The following CDH13 variants were observed in gnomAD, a reference collection of about 807,000 sequenced individuals.
The protein encoded by CDH13 is cadherin 13.
A neutral mutation model predicts 63.8 loss-of-function variants in CDH13; 24 were observed. That is an observed-to-expected ratio of 0.38 (90% CI 0.27 to 0.53). CDH13 has a LOEUF of 0.53. Among genes scored for constraint, CDH13 ranks in the 20% least tolerant of loss-of-function variants. CDH13 has a pLI of 0.85. For missense variants in CDH13, 1,049 were observed against 903.1 expected (o/e 1.16, Z -2.07); for synonymous variants, 503 against 355.3 (o/e 1.42, Z -4.67).
chr16:83,530,111 T>C (rs1276250516), intron 7 of CDH13, among the ~76,000 whole-genome samples: 1 of 152,228 alleles, frequency 6.6e-6, no homozygotes, highest in Non-Finnish European at 1.5e-5. Flanking sequence ...TGCGTACCTG[T>C]TCCTGCTGGC....
chr16:82,789,250 G>C (rs2036170828), intron 1 of CDH13, among the ~76,000 whole-genome samples: 1 of 152,140 alleles, frequency 6.6e-6, no homozygotes, highest in South Asian at 2.1e-4. Flanking sequence ...ACGAAGAGTA[G>C]GTGTTCCTCA....
intron 7 of CDH13, among the ~76,000 whole-genome samples, chr16:83,494,776 CA>C (rs1293051700): frequency 2.6e-5 from 4 of 152,170 alleles, no homozygotes; most frequent in Non-Finnish European, 5.9e-5. Flanking sequence ...GCCTGGGATC[CA>C]CATTTCTTTC....
In CDH13 at chr16:83,033,883, G is replaced by A. The variant is rs146819037; in HGVS notation, c.366+1665G>A. Among the ~76,000 whole-genome samples, 1,133 of 152,180 alleles carry A rather than the reference G, an allele frequency of 7.4e-3. 9 individuals carry two copies. Among genetic ancestry groups the A allele is most frequent in the African/African-American group, 0.026 (1,074 of 41,548 alleles). ...ATGCCTAGCCTTCTCTCCTACCTGC[G>A]AGCTTGGTCTTCCTCGATTTTTCAC... On this transcript the variant is annotated intron_variant, in intron 3 of 13. Coordinates refer to ENST00000567109, the MANE Select transcript of CDH13 (RefSeq NM_001257.5).
intron 2 of CDH13, among the ~76,000 whole-genome samples, chr16:82,996,921 A>G (rs1240870552): frequency 2.0e-5 from 3 of 151,474 alleles, no homozygotes; most frequent in African/African-American, 7.3e-5. Flanking sequence ...GTTGATTATT[A>G]TGGTAATGAT....
rs562942948 is a variant in CDH13, at chr16:82,672,999, C to CTTTTTTTTTTTTTTTTTTTTTT, written c.45+45882_45+45883insTTTTTTTTTTTTTTTTTTTTTT. ...GTATGGCTAATTTTTATAAAGTTTT[C>CTTTTTTTTTTTTTTTTTTTTTT]TTTTTTTTTTTTTTTTTTTTGTAGA... On this transcript the variant is annotated intron_variant, in intron 1 of 13. Coordinates refer to ENST00000567109, the MANE Select transcript of CDH13 (RefSeq NM_001257.5). Among the ~76,000 whole-genome samples, 23 of 81,280 alleles carry CTTTTTTTTTTTTTTTTTTTTTT rather than the reference C, an allele frequency of 2.8e-4. 2 individuals carry two copies. The highest frequency in any genetic ancestry group is 5.0e-4 in the South Asian group (1 of 1,982). The allele number at this position is 81,280 out of a possible 152,430, so 53.3% of individuals were successfully genotyped here.
intron 1 of CDH13, among the ~76,000 whole-genome samples, chr16:82,817,741 G>C (rs118098615): frequency 0.058 from 8,880 of 152,178 alleles, 353 homozygotes; most frequent in East Asian, 0.18. Context: ...GGAGGCAGAG[G>C]TTGCTGTAAG....
chr16:83,057,537 A>T lies in CDH13; in HGVS notation c.366+25319A>T, dbSNP rs572321715. Among the ~76,000 whole-genome samples, 396 of 151,042 alleles carry T rather than the reference A, an allele frequency of 2.6e-3. 2 individuals are homozygous for T. The highest frequency in any genetic ancestry group is 9.2e-3 in the African/African-American group (377 of 41,084). On this transcript the variant is annotated intron_variant, in intron 3 of 13. Transcript: ENST00000567109. ...TTTTTTCAAAAGTAGTAATTGGATG[A>T]CTCCCGCTTTTATTGAGTTAGCAAG...
chr16:83,530,619 C>G (rs1390095673), intron 7 of CDH13, among the ~76,000 whole-genome samples: 3 of 152,220 alleles, frequency 2.0e-5, no homozygotes, highest in Non-Finnish European at 2.9e-5. Flanking sequence ...CCAACCATCA[C>G]AGCAGCTGTT....
At chr16:82,698,444 A>G (rs1250037557) in intron 1 of CDH13, among the ~76,000 whole-genome samples, 1 of 152,244 alleles carries the variant, frequency 6.6e-6, no homozygotes, top group Non-Finnish European at 1.5e-5. Context: ...TATATTAACA[A>G]GCAGTGCTCA....
intron 13 of CDH13, among the ~76,000 whole-genome samples, chr16:83,786,519 CTCTTT>C (rs1367165970): frequency 3.3e-5 from 5 of 152,124 alleles, no homozygotes; most frequent in East Asian, 1.9e-4. Flanking sequence ...ATATTTCTCC[CTCTTT>C]TCTTTTGTTC....
chr16:83,791,888 A>G (rs1916295529), intron 13 of CDH13, among the ~76,000 whole-genome samples: 1 of 151,426 alleles, frequency 6.6e-6, no homozygotes, highest in Non-Finnish European at 1.5e-5. Context: ...TTTTCAACGT[A>G]TTGTTTGCAT....
chr16:83,144,214 A>C (rs1315440776), intron 4 of CDH13, among the ~76,000 whole-genome samples: 2 of 152,130 alleles, frequency 1.3e-5, no homozygotes, highest in Admixed American at 1.3e-4. Flanking sequence ...GGTTTCTCCC[A>C]TGAGGAAGTG....
intron 10 of CDH13, among the ~76,000 whole-genome samples, chr16:83,697,592 G>A (rs1047964933): frequency 1.3e-5 from 2 of 152,200 alleles, no homozygotes; most frequent in Admixed American, 1.3e-4. Context: ...GTGTATTGAT[G>A]AGTTGACAAA....
At chr16:82,627,845 G>T (rs1040020502) in intron 1 of CDH13, among the ~76,000 whole-genome samples, 1 of 152,252 alleles carries the variant, frequency 6.6e-6, no homozygotes, top group Non-Finnish European at 1.5e-5. Flanking sequence ...CACCCCTATT[G>T]TCCAGCCAGC....
intron 5 of CDH13, among the ~76,000 whole-genome samples, chr16:83,260,801 C>T (rs1167681190): frequency 6.6e-6 from 1 of 152,052 alleles, no homozygotes; most frequent in Non-Finnish European, 1.5e-5. Flanking sequence ...ATTTAGTAAG[C>T]CTTCGATTGA....
At chr16:82,774,427 G>C (rs2035399268) in intron 1 of CDH13, among the ~76,000 whole-genome samples, 1 of 151,820 alleles carries the variant, frequency 6.6e-6, no homozygotes, top group Admixed American at 6.6e-5. Flanking sequence ...AAGTGAGTCT[G>C]TATGTATGAA....
chr16:83,080,891 T>G (rs1473059444), intron 3 of CDH13, among the ~76,000 whole-genome samples: 13 of 131,026 alleles, frequency 9.9e-5, no homozygotes, highest in Non-Finnish European at 2.1e-4. Context: ...TTTTTTTTTT[T>G]TTTTTTTGAG....
intron 5 of CDH13, among the ~76,000 whole-genome samples, chr16:83,273,250 G>A (rs2088881106): frequency 6.6e-6 from 1 of 152,104 alleles, no homozygotes. Flanking sequence ...GCATGTCACA[G>A]AGGTTTGGTG....
chr16:83,614,641 A>T (rs1247340968), intron 8 of CDH13, among the ~76,000 whole-genome samples: 2 of 152,112 alleles, frequency 1.3e-5, no homozygotes, highest in Non-Finnish European at 2.9e-5. Context: ...TTTATATTAA[A>T]TCCATATCCT....
Sources: allele counts gnomAD v4.1 joint callset (sites outside exome capture counted in the v4.1 genomes callset), GRCh38; gene constraint gnomAD v4.1.1; transcripts MANE v1.5; gene names NCBI Gene and HGNC (gene_info 2026-07-23, HGNC 2026-07-21).